ZNF804B: variants seen among roughly 807,000 people sequenced by gnomAD.
The protein encoded by ZNF804B is zinc finger 804B.
In ZNF804B, 80 loss-of-function variants were observed where a neutral mutation model predicts 101.4. The observed-to-expected ratio is 0.79, with a 90% CI of 0.66 to 0.95. The LOEUF (loss-of-function observed/expected upper bound fraction) is 0.95. Among genes scored for constraint, ZNF804B ranks in the 40% least tolerant of loss-of-function variants. ZNF804B has a pLI of 0.00. For synonymous variants in ZNF804B, 622 were observed against 558.8 expected, an observed-to-expected ratio of 1.11 and a Z score of -1.59; for missense variants, 1,673 against 1,561.9, an observed-to-expected ratio of 1.07 and a Z score of -1.20.
intron 1 of ZNF804B, among the ~76,000 whole-genome samples, chr7:89,164,562 C>A (rs547433196): frequency 2.0e-5 from 3 of 152,054 alleles, no homozygotes; most frequent in Non-Finnish European, 2.9e-5. Flanking sequence ...ACAATAGGTA[C>A]AAAATCCGTG....
intron 2 of ZNF804B, among the ~76,000 whole-genome samples, chr7:89,279,158 T>C (rs1002496723): frequency 2.0e-5 from 3 of 152,122 alleles, no homozygotes; most frequent in Admixed American, 6.5e-5. Flanking sequence ...TGTTTGTCTG[T>C]TATTGGTGTA....
intron 1 of ZNF804B, among the ~76,000 whole-genome samples, chr7:89,196,176 A>G (rs1788549207): frequency 6.6e-6 from 1 of 152,166 alleles, no homozygotes; most frequent in South Asian, 2.1e-4. Context: ...TACAATAACC[A>G]AAAGAGCATG....
At chr7:89,008,009 ACAAT>A (rs1204161618) in intron 1 of ZNF804B, among the ~76,000 whole-genome samples, 3 of 152,256 alleles carry the variant, frequency 2.0e-5, no homozygotes, top group South Asian at 2.1e-4. Flanking sequence ...TATTCTCATG[ACAAT>A]CAGTCTTGTG....
chr7:88,834,318 A>G (rs1450386394), intron 1 of ZNF804B, among the ~76,000 whole-genome samples: 1 of 151,864 alleles, frequency 6.6e-6, no homozygotes, highest in African/African-American at 2.4e-5. Context: ...TATTATAACC[A>G]GGAGTGTAGC....
chr7:89,072,539 G>C (rs1044838926), intron 1 of ZNF804B, among the ~76,000 whole-genome samples: 1 of 152,070 alleles, frequency 6.6e-6, no homozygotes, highest in African/African-American at 2.4e-5. Flanking sequence ...GAAAGTTGGG[G>C]CTACTGCCTC....
chr7:88,761,837 A>C (rs781747429), intron 1 of ZNF804B, among the ~76,000 whole-genome samples: 1 of 152,180 alleles, frequency 6.6e-6, no homozygotes, highest in Admixed American at 6.5e-5. Flanking sequence ...CCAAATCTGT[A>C]GGGCTTGCAG....
chr7:89,280,711 G>A (rs1406928592), intron 2 of ZNF804B, among the ~76,000 whole-genome samples: 6 of 152,174 alleles, frequency 3.9e-5, no homozygotes, highest in Non-Finnish European at 8.8e-5. Context: ...CCAGGAAGAA[G>A]TTGAATCTCT....
chr7:89,308,536 A>G (rs905586732), intron 2 of ZNF804B, among the ~76,000 whole-genome samples: 1 of 152,194 alleles, frequency 6.6e-6, no homozygotes, highest in Admixed American at 6.6e-5. Context: ...CAGTTAAATA[A>G]TACTGATATT....
At chr7:88,982,002 TATTC>T (rs1299222936) in intron 1 of ZNF804B, among the ~76,000 whole-genome samples, 1 of 152,044 alleles carries the variant, frequency 6.6e-6, no homozygotes, top group Non-Finnish European at 1.5e-5. Flanking sequence ...TGTGGATAGT[TATTC>T]AGTTTGTTTT....
chr7:89,198,070 C>T (rs910431815), intron 1 of ZNF804B, among the ~76,000 whole-genome samples: 4 of 151,580 alleles, frequency 2.6e-5, no homozygotes, highest in African/African-American at 9.7e-5. Context: ...GATTAGCAAA[C>T]AAACGGATTA....
intron 1 of ZNF804B, among the ~76,000 whole-genome samples, chr7:89,136,868 G>T (rs1790645406): frequency 6.6e-6 from 1 of 151,974 alleles, no homozygotes; most frequent in Admixed American, 6.6e-5. Context: ...AATAATTGGG[G>T]GAGGTCTTTC....
chr7:89,118,252 A>G (rs1162883770), intron 1 of ZNF804B, among the ~76,000 whole-genome samples: 3 of 152,186 alleles, frequency 2.0e-5, no homozygotes, highest in Admixed American at 6.5e-5. Flanking sequence ...GAGTAGTTAA[A>G]TATCGCCTCC....
At chr7:89,016,464 G>C (rs551400220) in intron 1 of ZNF804B, among the ~76,000 whole-genome samples, 87 of 151,664 alleles carry the variant, frequency 5.7e-4, no homozygotes, top group African/African-American at 2.0e-3. Flanking sequence ...GGTTTTTATG[G>C]TTTTAGGTCT....
At chr7:88,944,336 A>G (rs1793095608) in intron 1 of ZNF804B, among the ~76,000 whole-genome samples, 1 of 151,726 alleles carries the variant, frequency 6.6e-6, no homozygotes, top group Admixed American at 6.6e-5. Flanking sequence ...TTTTGTTTGC[A>G]TTTTCTAATG....
At chr7:88,808,399 A>AG (rs1257539439) in intron 1 of ZNF804B, among the ~76,000 whole-genome samples, 1 of 151,250 alleles carries the variant, frequency 6.6e-6, no homozygotes, top group Non-Finnish European at 1.5e-5. Flanking sequence ...AAAAAAAAAA[A>AG]GTAAACCAGG....
At chr7:88,962,766 A>G (rs567564274) in intron 1 of ZNF804B, among the ~76,000 whole-genome samples, 1 of 115,468 alleles carries the variant, frequency 8.7e-6, no homozygotes, top group African/African-American at 3.1e-5. Context: ...TATTTATATA[A>G]TTACATAATT....
intron 1 of ZNF804B, among the ~76,000 whole-genome samples, chr7:89,193,834 G>A (rs28761193): frequency 0.33 from 50,660 of 151,330 alleles, 9,076 homozygotes; most frequent in African/African-American, 0.47. Flanking sequence ...GCCCAGTAAC[G>A]GGATGGCTGG....
At position 88,818,850 on chromosome 7, in the gene ZNF804B, A is replaced by G. The variant is rs371930502; in HGVS notation, c.108+58766A>G. Among the ~76,000 whole-genome samples the G allele has an allele frequency of 4.7e-4, 72 of 152,292 alleles. No individual in the cohort carries two copies. The South Asian group carries it at 0.015, about 31-fold the overall frequency. On this transcript the variant is annotated intron_variant, in intron 1 of 3. Transcript: ENST00000333190. ...AAAGTACTGCTCATGAAATCACTCA[A>G]TGAACTGTCAGGTCTATCACAATAT... is the stretch of plus-strand genomic sequence containing the variant.
intron 1 of ZNF804B, among the ~76,000 whole-genome samples, chr7:88,947,169 A>G (rs1793146573): frequency 1.3e-5 from 2 of 152,052 alleles, no homozygotes; most frequent in South Asian, 4.1e-4. Flanking sequence ...TACTGGGTAT[A>G]TACCCAAAAC....
Sources: gnomAD v4.1 joint callset for allele counts (sites outside exome capture counted in the v4.1 genomes callset) on GRCh38, gnomAD v4.1.1 for gene constraint, MANE v1.5 for transcripts, NCBI Gene and HGNC (gene_info 2026-07-23, HGNC 2026-07-21) for gene names.